TSPEAR: variants seen among roughly 807,000 people sequenced by gnomAD.
TSPEAR encodes the protein thrombospondin-type laminin G domain and EAR repeat-containing protein.
Under a neutral mutation model 71.6 loss-of-function variants are expected in TSPEAR, and 69 were observed. The ratio of observed to expected loss-of-function variants is 0.96; its 90% CI spans 0.79 to 1.18. The LOEUF is 1.18. Ranked by LOEUF, TSPEAR falls within the 50% of genes most tolerant of loss-of-function variation. TSPEAR has a pLI of 0.00. For missense variants in TSPEAR, 971 were observed against 894.9 expected, an observed-to-expected ratio of 1.09 and a Z score of -1.09; for synonymous variants, 402 against 387.2, an observed-to-expected ratio of 1.04 and a Z score of -0.45.
chr21:44,503,966 G>C (rs1483742433), intron 11 of TSPEAR, among the ~76,000 whole-genome samples: 1 of 140,400 alleles, frequency 7.1e-6, no homozygotes, highest in African/African-American at 2.8e-5. Flanking sequence ...GGCCGGAGTT[G>C]GTGAGCCCTC....
At chr21:44,647,763 CGAGATCAAACACTTGGAA>C in intron 1 of TSPEAR, 1 of 239,144 alleles carries the variant, frequency 4.2e-6, no homozygotes, top group Non-Finnish European at 8.3e-6. Context: ...TCTCTCATTC[CGAGATCAAACACTTGGAA>C]GACAGCAGGC....
intron 1 of TSPEAR, among the ~76,000 whole-genome samples, chr21:44,588,785 G>GTA (rs1256498645): frequency 2.7e-5 from 3 of 110,792 alleles, no homozygotes; most frequent in Non-Finnish European, 4.2e-5. Flanking sequence ...GTATGTGTGT[G>GTA]TGTATATATA....
At chr21:44,627,304 C>T (rs1982878854) in intron 1 of TSPEAR, 2 of 1,612,668 alleles carry the variant, frequency 1.2e-6, no homozygotes, top group Admixed American at 1.7e-5. Context: ...CTGCCTGACC[C>T]TGGTCTGCAC....
intron 1 of TSPEAR, among the ~76,000 whole-genome samples, chr21:44,605,254 G>T (rs1384314340): frequency 6.6e-6 from 1 of 152,146 alleles, no homozygotes; most frequent in African/African-American, 2.4e-5. Context: ...AACCAAGGAG[G>T]TGAAAGATCT....
chr21:44,594,978 T>G (rs1980265895), intron 1 of TSPEAR, among the ~76,000 whole-genome samples: 1 of 151,984 alleles, frequency 6.6e-6, no homozygotes, highest in Non-Finnish European at 1.5e-5. Context: ...TAAGCCACCA[T>G]GCCTGGCTAA....
intron 2 of TSPEAR, among the ~76,000 whole-genome samples, chr21:44,547,187 T>C (rs782429946): frequency 1.3e-5 from 2 of 152,266 alleles, no homozygotes; most frequent in Non-Finnish European, 2.9e-5. Flanking sequence ...AATTATTTAT[T>C]TCAGTTGTTG....
chr21:44,694,324 ATT>A (rs1987240235), intron 1 of TSPEAR, among the ~76,000 whole-genome samples: 1 of 152,230 alleles, frequency 6.6e-6, no homozygotes, highest in African/African-American at 2.4e-5. Context: ...AAAAACAAAT[ATT>A]GTTTGATTCC....
chr21:44,702,079 T>C (rs1555951620), intron 1 of TSPEAR: 2 of 752,472 alleles, frequency 2.7e-6, no homozygotes, highest in African/African-American at 3.5e-5. Context: ...GTCACACACG[T>C]TCCTATGAGA....
intron 1 of TSPEAR, among the ~76,000 whole-genome samples, chr21:44,602,611 G>GC (rs1981029811): frequency 9.2e-5 from 14 of 152,230 alleles, no homozygotes; most frequent in Admixed American, 9.2e-4. Flanking sequence ...TGTACCATGT[G>GC]GTTTAGGCCG....
At chr21:44,633,484 T>C (rs940585069) in intron 1 of TSPEAR, among the ~76,000 whole-genome samples, 3 of 152,270 alleles carry the variant, frequency 2.0e-5, no homozygotes, top group Non-Finnish European at 4.4e-5. Flanking sequence ...TATTCTTCAA[T>C]CAACTGGTTG....
At chr21:44,527,608 G>T in intron 6 of TSPEAR, 90 bp from the exon 7 acceptor site, 1 of 1,309,368 alleles carries the variant, frequency 7.6e-7, no homozygotes, top group Non-Finnish European at 1.1e-6. Context: ...CAAGCCCCAA[G>T]TCACAAGCCA....
chr21:44,571,614 G>A (rs2053798034), intron 1 of TSPEAR, among the ~76,000 whole-genome samples: 1 of 152,176 alleles, frequency 6.6e-6, no homozygotes, highest in Non-Finnish European at 1.5e-5. Flanking sequence ...GGATGAAACA[G>A]GGCAAATCTG....
chr21:44,500,791 T>G (rs2052016080), intron 11 of TSPEAR, among the ~76,000 whole-genome samples: 1 of 152,242 alleles, frequency 6.6e-6, no homozygotes, highest in Admixed American at 6.5e-5. Flanking sequence ...TTTTGTCCAT[T>G]TTTCCAAATT....
At chr21:44,586,278 T>G (rs1205232961) in intron 1 of TSPEAR, among the ~76,000 whole-genome samples, 9 of 152,250 alleles carry the variant, frequency 5.9e-5, no homozygotes, top group Non-Finnish European at 1.0e-4. Flanking sequence ...CTGTTGAATT[T>G]TACAGTCAAG....
At chr21:44,707,303 G>GGT (rs1228453589) in intron 1 of TSPEAR, among the ~76,000 whole-genome samples, 1 of 22,002 alleles carries the variant, frequency 4.5e-5, no homozygotes, top group East Asian at 4.5e-4. Context: ...GACGCGGGGT[G>GGT]GGGGGGGGTG....
intron 2 of TSPEAR, among the ~76,000 whole-genome samples, chr21:44,556,832 A>G (rs782396327): frequency 1.3e-5 from 2 of 152,238 alleles, no homozygotes; most frequent in Non-Finnish European, 2.9e-5. Flanking sequence ...AAAGGAATAA[A>G]GAATTACAGG....
chr21:44,574,349 A>C, intron 1 of TSPEAR: 1 of 1,600,334 alleles, frequency 6.2e-7, no homozygotes, highest in Non-Finnish European at 8.5e-7. Flanking sequence ...GCCCCTGCCA[A>C]TCAGGCTGCA....
intron 1 of TSPEAR, among the ~76,000 whole-genome samples, chr21:44,688,795 A>C (rs1986978716): frequency 6.6e-6 from 1 of 152,136 alleles, no homozygotes; most frequent in Non-Finnish European, 1.5e-5. Context: ...TGGGAGCCCC[A>C]CACAGCTCTG....
intron 1 of TSPEAR, chr21:44,580,077 A>G: frequency 6.2e-7 from 1 of 1,613,768 alleles, no homozygotes; most frequent in Non-Finnish European, 8.5e-7. Flanking sequence ...GACTGCTGGC[A>G]GGGGGAGGAG....
Sources: allele counts gnomAD v4.1 joint callset (sites outside exome capture counted in the v4.1 genomes callset), GRCh38; gene constraint gnomAD v4.1.1; transcripts MANE v1.5; gene names NCBI Gene and HGNC (gene_info 2026-07-23, HGNC 2026-07-21).